The following KNDC1 variants were observed in gnomAD, a reference collection of about 807,000 sequenced individuals.
KNDC1 encodes the protein kinase non-catalytic C-lobe domain containing 1.
In KNDC1, 106 loss-of-function variants were observed where a neutral mutation model predicts 172.8. The ratio of observed to expected loss-of-function variants is 0.61; its 90% CI spans 0.52 to 0.72. The LOEUF is 0.72. Among genes scored for constraint, KNDC1 ranks in the 30% least tolerant of loss-of-function variants. KNDC1 has a pLI of 0.00. For synonymous variants in KNDC1, 1,083 were observed against 1,062.2 expected (o/e 1.02, Z -0.38); for missense variants, 2,325 against 2,394.5 (o/e 0.97, Z 0.61).
intron 3 of KNDC1, among the ~76,000 whole-genome samples, chr10:133,178,578 G>T (rs1323857556): frequency 6.6e-6 from 1 of 152,042 alleles, no homozygotes; most frequent in Non-Finnish European, 1.5e-5. Flanking sequence ...GAGGGTTCCG[G>T]TCCCCCCTCT....
At chr10:133,186,813 A>G in intron 6 of KNDC1, 139 bp downstream of exon 6, 1 of 671,216 alleles carries the variant, frequency 1.5e-6, no homozygotes, top group Non-Finnish European at 2.4e-6. Context: ...AGACATTTTC[A>G]TTGAGCTGCC....
At chr10:133,188,292 C>T (rs1193077654) in intron 6 of KNDC1, among the ~76,000 whole-genome samples, 1 of 152,306 alleles carries the variant, frequency 6.6e-6, no homozygotes, top group East Asian at 1.9e-4. Flanking sequence ...GGAACGGCAG[C>T]ACTGTCGTCT....
chr10:133,163,955 CCT>C lies in KNDC1; in HGVS notation c.102+3387_102+3388del, dbSNP rs1853063827. Among the ~76,000 whole-genome samples, 1 of 96,100 alleles carries C rather than the reference CCT, an allele frequency of 1.0e-5. No homozygotes were observed. The highest frequency in any genetic ancestry group is 4.0e-5 in the African/African-American group (1 of 25,304). 63.0% of individuals were successfully genotyped at this position (96,100 alleles called of 152,430 possible). A position where few individuals can be genotyped will look rare whatever the true frequency, so the allele number is the denominator to read the frequency against. The stretch of plus-strand genomic sequence containing the variant: ...CTGCCTTCCCAAATCCCTCCTCCCA[CCT>C]GGGATGGGGGTGGAGTTCGTGGCCA... On this transcript the variant is annotated intron_variant, in intron 1 of 29. Coordinates refer to ENST00000304613, the MANE Select transcript of KNDC1 (RefSeq NM_152643.8). This position sits in a 1 kb window ranked among gnomAD's most constrained non-coding sequence, Gnocchi z 4.4.
chr10:133,160,990 G>C (rs1195149511), intron 1 of KNDC1, among the ~76,000 whole-genome samples: 3 of 151,982 alleles, frequency 2.0e-5, no homozygotes, highest in Non-Finnish European at 4.4e-5. Flanking sequence ...AGCGGGGGGT[G>C]GGGGGAGCGC....
intron 12 of KNDC1, among the ~76,000 whole-genome samples, 194 bp downstream of exon 12, chr10:133,197,962 C>T (rs1215843578): frequency 6.6e-6 from 1 of 152,166 alleles, no homozygotes; most frequent in Non-Finnish European, 1.5e-5. Flanking sequence ...AACTCCCAGT[C>T]GCTCAGGCCC....
chr10:133,211,660 C>A lies in KNDC1; in HGVS notation c.4057-19C>A. The A allele has an allele frequency of 1.9e-6, 3 of 1,590,952 alleles. No individual in the cohort carries two copies. The highest frequency in any genetic ancestry group is 2.6e-6 in the Non-Finnish European group (3 of 1,166,290). ...CCAGAAGGTGGCAGTGACCCCCCCA[C>A]CACTGTGCTTCTGCCTAGATCCTAC... On this transcript the variant is annotated intron_variant, in intron 22 of 29. Transcript: ENST00000304613.
chr10:133,215,550 G>A (rs1296568940), intron 26 of KNDC1, among the ~76,000 whole-genome samples: 1 of 152,276 alleles, frequency 6.6e-6, no homozygotes. Context: ...CATATCGTGA[G>A]GGACATGAAA....
intron 29 of KNDC1, among the ~76,000 whole-genome samples, chr10:133,221,007 T>G (rs1187515441): frequency 6.6e-6 from 1 of 152,080 alleles, no homozygotes; most frequent in African/African-American, 2.4e-5. Context: ...AGCCACCTCC[T>G]TCTCTGCAAA....
At chr10:133,206,803 C>T (rs745365577) in intron 18 of KNDC1, 25 bp downstream of exon 18, 71 of 1,613,338 alleles carry the variant, frequency 4.4e-5, no homozygotes, top group Non-Finnish European at 5.2e-5. Context: ...GGCACAGGTC[C>T]GAGACCCTGG....
At chr10:133,215,735 C>T (rs1778774652) in intron 26 of KNDC1, among the ~76,000 whole-genome samples, 1 of 152,222 alleles carries the variant, frequency 6.6e-6, no homozygotes, top group Non-Finnish European at 1.5e-5. Flanking sequence ...AGACCCACCT[C>T]GAGCCTGCGG....
intron 3 of KNDC1, among the ~76,000 whole-genome samples, chr10:133,173,657 C>T (rs1392431198): frequency 2.0e-5 from 3 of 152,354 alleles, no homozygotes; most frequent in Non-Finnish European, 4.4e-5. Flanking sequence ...TCTGTGTAAG[C>T]AGCACCCAGA....
Position 133,225,181 on chromosome 10 carries a change from G to T in KNDC1, c.*291G>T. On this transcript the variant is annotated 3_prime_UTR_variant, in exon 30 of 30. Transcript: ENST00000304613. ...GAAAATGAAAGACAGCTTCCCAGGA[G>T]TTTTGTGCCTGTCTGCGCCTCTCAC... 2.6e-6 allele frequency: 1 copy of T among 385,754 alleles called. No individual in the cohort carries two copies. The highest frequency in any genetic ancestry group is 4.9e-6 in the Non-Finnish European group (1 of 204,246). The allele number at this position is 385,754 out of a possible 1,614,324, so 23.9% of individuals were successfully genotyped here.
intron 26 of KNDC1, among the ~76,000 whole-genome samples, chr10:133,215,747 G>A (rs373039476): frequency 2.0e-5 from 3 of 152,214 alleles, no homozygotes; most frequent in African/African-American, 7.2e-5. Flanking sequence ...AGCCTGCGGC[G>A]GCCCTGCCTG....
intron 1 of KNDC1, among the ~76,000 whole-genome samples, chr10:133,165,310 A>G (rs3008300): frequency 0.65 from 99,637 of 152,172 alleles, 32,764 homozygotes; most frequent in Admixed American, 0.74. Flanking sequence ...ATCACCAGGC[A>G]TCTCCCCTCC....
chr10:133,211,328 A>T, intron 21 of KNDC1, 94 bp from the exon 22 acceptor site: 1 of 1,207,886 alleles, frequency 8.3e-7, no homozygotes, highest in East Asian at 2.6e-5. Flanking sequence ...GCCTGGTCCC[A>T]CCCTGCCTCT....
chr10:133,201,703 G>A lies in KNDC1; in HGVS notation c.3192G>A (p.Glu1064=). 1 of 1,611,420 alleles carries A rather than the reference G, an allele frequency of 6.2e-7. No individual in the cohort carries two copies. Among genetic ancestry groups the A allele is most frequent in the Non-Finnish European group, 8.5e-7 (1 of 1,179,306 alleles). ...RRPAGGASDV[E]AVTRLARSKG... is the part of the protein sequence containing the mutation. ...CAGCTGGCGGGGCCTCAGACGTGGA[G>A]GCAGTGACCCGACTGGCCAGGTCCA... Residue 1064 remains glutamate (E), a synonymous_variant, in exon 17 of 30, where the codon GAG becomes GAA. Transcript: ENST00000304613.
In KNDC1 at chr10:133,198,949, A is replaced by T; in HGVS notation, c.2441A>T (p.Asp814Val). The change falls in exon 14 of 30, where the codon GAC becomes GTC. Residue 814 changes from aspartate to valine, a missense_variant. Asp to Val is a radical substitution (Grantham distance 152). Coordinates refer to ENST00000304613, the MANE Select transcript of KNDC1 (RefSeq NM_152643.8). ...GTTGCTTCCGGGGGCCTCAGGCCCG[A>T]CGCCCTGGGGCCCACCACGGCCCAC... ...PGVASGGLRP[D>V]ALGPTTAHHG... 1.3e-6 allele frequency: 2 copies of T among 1,549,910 alleles called. No individual in the cohort carries two copies. The highest frequency in any genetic ancestry group is 1.7e-6 in the Non-Finnish European group (2 of 1,152,760).
intron 26 of KNDC1, among the ~76,000 whole-genome samples, chr10:133,217,673 TA>T (rs1378832756): frequency 1.4e-5 from 2 of 144,450 alleles, no homozygotes; most frequent in East Asian, 4.1e-4. Flanking sequence ...ACCCCATCTC[TA>T]CTAAAAATAC....
chr10:133,212,357 G>A (rs904131015), intron 23 of KNDC1, among the ~76,000 whole-genome samples: 1 of 152,232 alleles, frequency 6.6e-6, no homozygotes, highest in Non-Finnish European at 1.5e-5. Context: ...GTCCCAGGCA[G>A]CCCTGCTGCG....
Sources: allele counts gnomAD v4.1 joint callset (sites outside exome capture counted in the v4.1 genomes callset), GRCh38; gene constraint gnomAD v4.1.1; non-coding constraint Gnocchi (gnomAD v3.1); transcripts MANE v1.5; gene names NCBI Gene and HGNC (gene_info 2026-07-23, HGNC 2026-07-21).